Variants in ATAD2B observed in about 807,000 individuals in gnomAD.
ATAD2B encodes the protein ATPase family AAA domain-containing protein 2B.
ATAD2B carries 40 observed loss-of-function variants against 167.6 expected under a neutral mutation model. The observed-to-expected ratio is 0.24, with a 90% CI of 0.19 to 0.31. The LOEUF (loss-of-function observed/expected upper bound fraction) is 0.31, where lower values mean the gene tolerates loss of function less well. Ranked by LOEUF, ATAD2B falls within the 10% of genes least tolerant of loss-of-function variation. The pLI, the probability that ATAD2B is intolerant of heterozygous loss-of-function variation, is 1.00. For missense variants in ATAD2B, 1,242 were observed against 1,757.2 expected (o/e 0.71, Z 5.24); for synonymous variants, 579 against 596.5 (o/e 0.97, Z 0.43).
chr2:23,879,439 T>A (rs1177238712), intron 7 of ATAD2B, among the ~76,000 whole-genome samples: 2 of 152,094 alleles, frequency 1.3e-5, no homozygotes, highest in African/African-American at 4.8e-5. Flanking sequence ...AAGATCCTGT[T>A]TCTACAAAAA....
the ATAD2B span, chr2:23,703,972 A>G: frequency 8.0e-7 from 1 of 1,253,252 alleles, no homozygotes; most frequent in South Asian, 1.5e-5. Flanking sequence ...TCCCAGGCCC[A>G]GAGCAGTGGC....
chr2:23,754,585 T>C (rs1675735389), intron 26 of ATAD2B, 62 bp downstream of exon 26: 4 of 1,579,354 alleles, frequency 2.5e-6, no homozygotes, highest in Non-Finnish European at 3.5e-6. Context: ...CTCAACTGCC[T>C]ACAAACACAT....
At chr2:23,852,677 G>A (rs1022716276) in intron 13 of ATAD2B, among the ~76,000 whole-genome samples, 1 of 152,118 alleles carries the variant, frequency 6.6e-6, no homozygotes, top group African/African-American at 2.4e-5. Flanking sequence ...CCAGCACTTC[G>A]GGAGGCCGAG....
At chr2:23,756,517 G>C (rs1675970140) in intron 25 of ATAD2B, among the ~76,000 whole-genome samples, 2 of 152,114 alleles carry the variant, frequency 1.3e-5, no homozygotes, top group South Asian at 2.1e-4. Context: ...ATCCAGGAAG[G>C]AAATGTATAT....
At position 23,754,796 on chromosome 2, in the gene ATAD2B, A is replaced by G. The variant is rs991976454; in HGVS notation, c.4079-22T>C. On this transcript the variant is annotated intron_variant, in intron 25 of 27. Transcript: ENST00000238789. ...GCACCTATAATTGAGACAAAAAAAT[A>G]CACTGCAGCAAGTAAAAGTTAAGAA... 19 of 1,602,088 alleles carry G rather than the reference A, an allele frequency of 1.2e-5. 1 individual carries two copies. The Admixed American group carries it at 2.4e-4, about 20-fold the overall frequency.
chr2:23,693,477 G>A, the ATAD2B span: 2 of 1,551,698 alleles, frequency 1.3e-6, no homozygotes, highest in African/African-American at 1.4e-5. Flanking sequence ...AGGAGCTGGT[G>A]TACGAGACAG....
intron 1 of ATAD2B, among the ~76,000 whole-genome samples, chr2:23,899,905 T>A (rs1270602636): frequency 1.4e-5 from 2 of 147,168 alleles, no homozygotes; most frequent in Non-Finnish European, 3.0e-5. Context: ...TCATTTCTAA[T>A]ACAGTTTTCT....
At chr2:23,724,348 T>C in the ATAD2B span, among the ~76,000 whole-genome samples, 332 of 152,348 alleles carry the variant, frequency 2.2e-3, no homozygotes, top group Non-Finnish European at 3.2e-3. Flanking sequence ...CCATACATTG[T>C]ATGTGTTGAA....
At chr2:23,847,365 G>A (rs1019490976) in intron 13 of ATAD2B, among the ~76,000 whole-genome samples, 4 of 152,084 alleles carry the variant, frequency 2.6e-5, no homozygotes, top group African/African-American at 4.8e-5. Context: ...TTAGCCAGGC[G>A]TGGTTGGTAC....
intron 25 of ATAD2B, among the ~76,000 whole-genome samples, chr2:23,755,378 A>T (rs1212879025): frequency 6.6e-6 from 1 of 152,164 alleles, no homozygotes; most frequent in Non-Finnish European, 1.5e-5. Context: ...GTGTAATCTA[A>T]TTACTTTCCT....
At chr2:23,718,529 G>A in the ATAD2B span, among the ~76,000 whole-genome samples, 1 of 151,928 alleles carries the variant, frequency 6.6e-6, no homozygotes, top group Admixed American at 6.6e-5. Flanking sequence ...GACCAAGAGG[G>A]AAAAGGCTGT....
chr2:23,760,667 A>G (rs990936771), intron 24 of ATAD2B, among the ~76,000 whole-genome samples: 2 of 121,694 alleles, frequency 1.6e-5, no homozygotes, highest in African/African-American at 5.7e-5. Flanking sequence ...CTGTCTCAAG[A>G]AAAAAAAAAA....
chr2:23,783,694 G>A (rs936617833), intron 21 of ATAD2B, among the ~76,000 whole-genome samples: 12 of 152,030 alleles, frequency 7.9e-5, no homozygotes, highest in South Asian at 2.1e-4. Flanking sequence ...GAGATATTAC[G>A]TCATGATTTG....
chr2:23,751,920 G>C lies in ATAD2B; in HGVS notation c.*126C>G. On this transcript the variant is annotated 3_prime_UTR_variant, in exon 28 of 28. Transcript: ENST00000238789. ...TAGCACCAAATTCAACAGAGAGAAAGAATGAGTGAGAGAGCACTTTACACC... is the reference window on the plus strand; with the variant it reads ...TAGCACCAAATTCAACAGAGAGAAACAATGAGTGAGAGAGCACTTTACACC... 1.3e-6 allele frequency: 1 copy of C among 765,778 alleles called. No individual in the cohort carries two copies. Among genetic ancestry groups the C allele is most frequent in the African/African-American group, 1.8e-5 (1 of 54,986 alleles). 47.4% of individuals were successfully genotyped at this position (765,778 alleles called of 1,614,324 possible).
intron 15 of ATAD2B, among the ~76,000 whole-genome samples, chr2:23,826,704 T>C (rs893485417): frequency 6.6e-6 from 1 of 152,184 alleles, no homozygotes; most frequent in Non-Finnish European, 1.5e-5. Flanking sequence ...TTGAGACTCT[T>C]TCATTGTTTT....
At chr2:23,913,955 G>A (rs997322176) in intron 1 of ATAD2B, among the ~76,000 whole-genome samples, 11 of 151,994 alleles carry the variant, frequency 7.2e-5, no homozygotes, top group African/African-American at 2.2e-4. Flanking sequence ...TGACAGAGCA[G>A]GACCCTGGTC....
the ATAD2B span, among the ~76,000 whole-genome samples, chr2:23,683,809 A>G: frequency 6.6e-6 from 1 of 152,068 alleles, no homozygotes. Context: ...AAAAGTCCCC[A>G]CAAGTGTGAA....
At chr2:23,899,096 T>TGA (rs1405647723) in intron 1 of ATAD2B, among the ~76,000 whole-genome samples, 1 of 151,958 alleles carries the variant, frequency 6.6e-6, no homozygotes, top group Non-Finnish European at 1.5e-5. Flanking sequence ...TGCAGTGAGC[T>TGA]GAGATCATGC....
At chr2:23,775,022 A>G (rs1026315173) in intron 22 of ATAD2B, among the ~76,000 whole-genome samples, 5 of 152,192 alleles carry the variant, frequency 3.3e-5, no homozygotes, top group Non-Finnish European at 7.3e-5. Flanking sequence ...ATCAGCTTCG[A>G]GTCTAAAATA....
Sources: allele counts gnomAD v4.1 joint callset (sites outside exome capture counted in the v4.1 genomes callset), GRCh38; gene constraint gnomAD v4.1.1; transcripts MANE v1.5; gene names NCBI Gene and HGNC (gene_info 2026-07-23, HGNC 2026-07-21).